Variants in TRPM3 observed in about 807,000 individuals in gnomAD.
The protein encoded by TRPM3 is long transient receptor potential channel 3.
In TRPM3, 77 loss-of-function variants were observed where a neutral mutation model predicts 181.2. The ratio of observed to expected loss-of-function variants is 0.42; its 90% CI spans 0.35 to 0.51. The LOEUF is 0.51. Among genes scored for constraint, TRPM3 ranks in the 20% least tolerant of loss-of-function variants. The pLI is 0.01. For missense variants in TRPM3, 1,759 were observed against 2,196.7 expected, an observed-to-expected ratio of 0.80 and a Z score of 3.98; for synonymous variants, 745 against 796.4, an observed-to-expected ratio of 0.94 and a Z score of 1.09.
chr9:71,064,420 T>C (rs2061669243), intron 1 of TRPM3, among the ~76,000 whole-genome samples: 1 of 149,584 alleles, frequency 6.7e-6, no homozygotes, highest in African/African-American at 2.4e-5. Flanking sequence ...AGTATCACCA[T>C]GGTTTTTTTT....
chr9:71,323,283 T>C (rs569531910), intron 1 of TRPM3, among the ~76,000 whole-genome samples: 43 of 152,270 alleles, frequency 2.8e-4, no homozygotes, highest in African/African-American at 1.0e-3. Context: ...ATTTCAGGAA[T>C]ACCAGCTGCC....
intron 1 of TRPM3, among the ~76,000 whole-genome samples, chr9:71,418,407 C>A (rs1209050250): frequency 6.6e-6 from 1 of 151,812 alleles, no homozygotes; most frequent in African/African-American, 2.4e-5. Context: ...TCAGGATACG[C>A]CTCTGTTGAG....
chr9:71,322,285 A>G (rs946481732), intron 1 of TRPM3, among the ~76,000 whole-genome samples: 1 of 152,176 alleles, frequency 6.6e-6, no homozygotes, highest in African/African-American at 2.4e-5. Flanking sequence ...ACTGAATGTT[A>G]GCCTGTGAAT....
chr9:71,189,000 A>T (rs1265245799), intron 1 of TRPM3, among the ~76,000 whole-genome samples: 1 of 151,926 alleles, frequency 6.6e-6, no homozygotes, highest in East Asian at 1.9e-4. Context: ...ACAGAAAGAC[A>T]TTGATTGTTC....
intron 1 of TRPM3, among the ~76,000 whole-genome samples, chr9:71,087,916 T>C (rs1190244948): frequency 3.3e-5 from 5 of 152,130 alleles, no homozygotes; most frequent in African/African-American, 1.2e-4. Context: ...GCTCAAAATA[T>C]GTGGACATGA....
At chr9:71,246,842 T>C (rs1259107463) in intron 1 of TRPM3, among the ~76,000 whole-genome samples, 1 of 152,332 alleles carries the variant, frequency 6.6e-6, no homozygotes, top group African/African-American at 2.4e-5. Context: ...TTTTAGCCTC[T>C]TCAGGTTTTG....
At chr9:71,044,966 C>T (rs1020220998) in intron 1 of TRPM3, among the ~76,000 whole-genome samples, 14 of 152,120 alleles carry the variant, frequency 9.2e-5, no homozygotes, top group Admixed American at 6.5e-5. Flanking sequence ...CCACAGCGCC[C>T]GGCCATTTCC....
intron 1 of TRPM3, among the ~76,000 whole-genome samples, chr9:70,955,063 G>A (rs1481913633): frequency 1.3e-5 from 2 of 152,126 alleles, no homozygotes; most frequent in Non-Finnish European, 2.9e-5. Context: ...CGTTTTCAGA[G>A]TTCTTGAAAC....
intron 8 of TRPM3, among the ~76,000 whole-genome samples, chr9:70,759,664 T>C (rs2077726704): frequency 1.3e-5 from 2 of 152,296 alleles, no homozygotes; most frequent in South Asian, 2.1e-4. Context: ...TAAAAAAGGA[T>C]GAGTTCATGT....
intron 1 of TRPM3, among the ~76,000 whole-genome samples, chr9:70,982,859 C>T (rs2097376967): frequency 6.6e-6 from 1 of 152,204 alleles, no homozygotes; most frequent in East Asian, 1.9e-4. Flanking sequence ...CGCCACCACA[C>T]CTGGCTAATT....
intron 1 of TRPM3, among the ~76,000 whole-genome samples, chr9:71,424,482 C>T (rs989659433): frequency 1.3e-5 from 2 of 152,100 alleles, no homozygotes; most frequent in African/African-American, 2.4e-5. Context: ...AACAAATATA[C>T]AAGACAGGTT....
intron 1 of TRPM3, among the ~76,000 whole-genome samples, chr9:71,013,047 A>G (rs2097758174): frequency 6.6e-6 from 1 of 152,108 alleles, no homozygotes; most frequent in Admixed American, 6.5e-5. Flanking sequence ...ACATACACGC[A>G]TATTTGTACA....
chr9:71,017,391 G>A (rs2097793258), intron 1 of TRPM3, among the ~76,000 whole-genome samples: 1 of 151,764 alleles, frequency 6.6e-6, no homozygotes, highest in South Asian at 2.1e-4. Flanking sequence ...GACCAATATT[G>A]GCATGATGGA....
At chr9:70,549,481 G>T in intron 25 of TRPM3, 61 bp downstream of exon 25, 1 of 1,535,954 alleles carries the variant, frequency 6.5e-7, no homozygotes. Flanking sequence ...GAATAAATTC[G>T]ATGGATAAAG....
chr9:70,543,160 G>T (rs1295946995), intron 25 of TRPM3, among the ~76,000 whole-genome samples: 1 of 152,062 alleles, frequency 6.6e-6, no homozygotes, highest in Non-Finnish European at 1.5e-5. Flanking sequence ...CCATTGTTAT[G>T]AAAAATTATA....
At chr9:71,358,318 T>C (rs1294399013) in intron 1 of TRPM3, among the ~76,000 whole-genome samples, 1 of 152,168 alleles carries the variant, frequency 6.6e-6, no homozygotes, top group Non-Finnish European at 1.5e-5. Context: ...GCCAAAGTTA[T>C]GGATTCAATC....
chr9:71,202,796 G>C (rs564432131), intron 1 of TRPM3, among the ~76,000 whole-genome samples: 64 of 152,280 alleles, frequency 4.2e-4, no homozygotes, highest in African/African-American at 1.4e-3. Flanking sequence ...ATCTTTATCA[G>C]TAAGCTGAAC....
chr9:71,191,273 T>C (rs747767367), intron 1 of TRPM3, among the ~76,000 whole-genome samples: 6 of 151,878 alleles, frequency 4.0e-5, no homozygotes, highest in Admixed American at 6.6e-5. Context: ...TAGTAGACAC[T>C]GTACATTTTT....
At position 70,552,879 on chromosome 9, in the gene TRPM3, T is replaced by G; in HGVS notation, c.3539A>C (p.His1180Pro). The change falls in exon 24 of 26, where the codon CAC (histidine) becomes CCC (proline). Residue 1180 changes from histidine to proline, a missense_variant. By Grantham distance (77) the His-to-Pro change is moderately conservative. Transcript: ENST00000677713. ...FQHLCCRWRK[H>P]ESDPDERDYG... ...GTCCCTTTCATCCGGGTCGCTCTCG[T>G]GTTTCCTCCATCGGCAGCACAGGTG... 6.2e-7 allele frequency: 1 copy of G among 1,614,170 alleles called. No individual in the cohort carries two copies. Among genetic ancestry groups the G allele is most frequent in the Non-Finnish European group, 8.5e-7 (1 of 1,180,028 alleles).
Sources: allele counts gnomAD v4.1 joint callset (sites outside exome capture counted in the v4.1 genomes callset), GRCh38; gene constraint gnomAD v4.1.1; transcripts MANE v1.5; gene names NCBI Gene and HGNC (gene_info 2026-07-23, HGNC 2026-07-21).